DOCK2: variants seen among roughly 807,000 people sequenced by gnomAD.
DOCK2 encodes the protein dedicator of cytokinesis protein 2.
Under a neutral mutation model 248.9 loss-of-function variants are expected in DOCK2, and 87 were observed. The ratio of observed to expected loss-of-function variants is 0.35; its 90% CI spans 0.29 to 0.42. The LOEUF is 0.42. Among genes scored for constraint, DOCK2 ranks in the 10% least tolerant of loss-of-function variants. The pLI is 1.00. For missense variants in DOCK2, 1,747 were observed against 2,300.2 expected (o/e 0.76, Z 4.92); for synonymous variants, 805 against 821.6 (o/e 0.98, Z 0.35).
Position 170,077,854 on chromosome 5 carries a change from C to T in DOCK2, c.4994+17C>T, listed in dbSNP as rs773312273. 5 of 1,610,580 alleles carry T rather than the reference C, an allele frequency of 3.1e-6. No individual in the cohort carries two copies. The South Asian group carries it at 5.5e-5, about 18-fold the overall frequency. On this transcript the variant is annotated intron_variant, in intron 48 of 51. Coordinates refer to ENST00000520908, the MANE Select transcript of DOCK2 (RefSeq NM_004946.3). ...CTCAGAGAGGTCAGTCCCTGCACCCCAAGGAGCCCCCCACACCCCTGCCTC... is the reference window on the plus strand; with the variant it reads ...CTCAGAGAGGTCAGTCCCTGCACCCTAAGGAGCCCCCCACACCCCTGCCTC...
chr5:169,842,758 T>C (rs1050598442), intron 27 of DOCK2, among the ~76,000 whole-genome samples: 18 of 152,188 alleles, frequency 1.2e-4, no homozygotes, highest in African/African-American at 4.3e-4. Context: ...TAAGAAGCAC[T>C]AAATAAGTGC....
chr5:169,802,396 A>G (rs952671770), intron 25 of DOCK2, among the ~76,000 whole-genome samples: 2 of 152,244 alleles, frequency 1.3e-5, no homozygotes, highest in Non-Finnish European at 2.9e-5. Context: ...AGCAATGTGC[A>G]GAAGGATGCA....
At chr5:169,661,592 C>G (rs1758449263) in intron 2 of DOCK2, among the ~76,000 whole-genome samples, 1 of 152,180 alleles carries the variant, frequency 6.6e-6, no homozygotes, top group Non-Finnish European at 1.5e-5. Context: ...CCTGTAACCT[C>G]TAACCTACGT....
intron 2 of DOCK2, among the ~76,000 whole-genome samples, chr5:169,658,115 T>A (rs560019266): frequency 6.6e-5 from 10 of 152,312 alleles, no homozygotes; most frequent in South Asian, 2.1e-4. Flanking sequence ...TTTCAGGAAA[T>A]CTTTTTAGTG....
chr5:169,915,301 T>A (rs765122697), intron 27 of DOCK2, among the ~76,000 whole-genome samples: 1 of 152,188 alleles, frequency 6.6e-6, no homozygotes, highest in South Asian at 2.1e-4. Context: ...TAGTTTTTGG[T>A]ACTTTGAAAA....
chr5:169,823,544 G>C (rs1315034462), intron 26 of DOCK2, among the ~76,000 whole-genome samples: 1 of 152,170 alleles, frequency 6.6e-6, no homozygotes, highest in Non-Finnish European at 1.5e-5. Context: ...AATAGATGCA[G>C]AAAAGGCCTT....
intron 27 of DOCK2, among the ~76,000 whole-genome samples, chr5:169,906,253 C>T (rs1774270616): frequency 6.6e-6 from 1 of 152,118 alleles, no homozygotes; most frequent in Non-Finnish European, 1.5e-5. Flanking sequence ...GCTAAGAGAG[C>T]CTCAGTTTCC....
intron 30 of DOCK2, among the ~76,000 whole-genome samples, chr5:170,007,047 G>A (rs1185154722): frequency 6.6e-6 from 1 of 152,320 alleles, no homozygotes; most frequent in South Asian, 2.1e-4. Context: ...AAATTAGATT[G>A]CTTGTTTTGC....
At chr5:169,938,237 TTTAGCACAA>T (rs1334335360) in intron 27 of DOCK2, among the ~76,000 whole-genome samples, 1 of 152,034 alleles carries the variant, frequency 6.6e-6, no homozygotes, top group Non-Finnish European at 1.5e-5. Context: ...TTTTTTTTTT[TTTAGCACAA>T]AAGTAAATGT....
chr5:169,923,960 C>G (rs770142156), intron 27 of DOCK2, among the ~76,000 whole-genome samples: 1 of 152,166 alleles, frequency 6.6e-6, no homozygotes, highest in African/African-American at 2.4e-5. Flanking sequence ...AGAAACATTG[C>G]GGTTGGCAAA....
At chr5:170,042,837 C>T (rs186129606) in intron 38 of DOCK2, among the ~76,000 whole-genome samples, 299 of 152,316 alleles carry the variant, frequency 2.0e-3, no homozygotes, top group African/African-American at 6.9e-3. Flanking sequence ...TTCTGGCTCC[C>T]CAATTTAGAA....
At chr5:170,051,798 CA>C (rs1212692672) in intron 41 of DOCK2, among the ~76,000 whole-genome samples, 1 of 151,912 alleles carries the variant, frequency 6.6e-6, no homozygotes, top group African/African-American at 2.4e-5. Flanking sequence ...GAAAACAACA[CA>C]GAAAGAGGAA....
chr5:169,848,959 C>G (rs1023521516), intron 27 of DOCK2, among the ~76,000 whole-genome samples: 1 of 152,042 alleles, frequency 6.6e-6, no homozygotes, highest in Non-Finnish European at 1.5e-5. Context: ...TTGGAAATGA[C>G]CCATCTAAGC....
At chr5:170,002,282 G>A (rs898699869) in intron 30 of DOCK2, among the ~76,000 whole-genome samples, 5 of 151,582 alleles carry the variant, frequency 3.3e-5, no homozygotes, top group Non-Finnish European at 7.4e-5. Context: ...TATAAATAGG[G>A]AATTTGGTTA....
Position 169,700,085 on chromosome 5 carries a change from G to A in DOCK2, c.1204G>A (p.Asp402Asn). The A allele has an allele frequency of 6.2e-7, 1 of 1,614,046 alleles. No individual in the cohort carries two copies. The highest frequency in any genetic ancestry group is 8.5e-7 in the Non-Finnish European group (1 of 1,179,944). Residue 402 changes from aspartate to asparagine, a missense_variant, in exon 13 of 52, where the codon GAC (aspartate) becomes AAC (asparagine). Asp to Asn is a conservative substitution (Grantham distance 23). Transcript: ENST00000520908. ...TCGCAAGGACTATCCACACCTGGTG[G>A]ACAGGACCACCGTGGTGGCCAGGAA... ...QIRKDYPHLV[D>N]RTTVVARKLG...
At chr5:169,684,055 A>T in intron 7 of DOCK2, 141 bp from the exon 8 acceptor site, 1 of 936,424 alleles carries the variant, frequency 1.1e-6, no homozygotes, top group Non-Finnish European at 1.6e-6. Context: ...GATTCAGGTT[A>T]CAGAAGCTTT....
intron 26 of DOCK2, among the ~76,000 whole-genome samples, chr5:169,823,226 T>C (rs927458570): frequency 6.6e-6 from 1 of 152,180 alleles, no homozygotes; most frequent in African/African-American, 2.4e-5. Context: ...TCTGAAACTA[T>C]TCCAATCAAT....
chr5:169,698,880 T>C (rs554820252), intron 11 of DOCK2, among the ~76,000 whole-genome samples: 1 of 152,266 alleles, frequency 6.6e-6, no homozygotes, highest in East Asian at 1.9e-4. Flanking sequence ...AATCCTAACC[T>C]GGTTCTCATG....
At chr5:169,955,101 A>G (rs1285897713) in intron 27 of DOCK2, among the ~76,000 whole-genome samples, 2 of 152,158 alleles carry the variant, frequency 1.3e-5, no homozygotes, top group Non-Finnish European at 2.9e-5. Context: ...AAGCAAGGCA[A>G]CCCCATAACC....
Sources: gnomAD v4.1 joint callset for allele counts (sites outside exome capture counted in the v4.1 genomes callset) on GRCh38, gnomAD v4.1.1 for gene constraint, MANE v1.5 for transcripts, NCBI Gene and HGNC (gene_info 2026-07-23, HGNC 2026-07-21) for gene names.